Variants in GRM5 observed in about 807,000 individuals in gnomAD.
The protein encoded by GRM5 is metabotropic glutamate receptor 5.
Under a neutral mutation model 83.1 loss-of-function variants are expected in GRM5, and 19 were observed. The ratio of observed to expected loss-of-function variants is 0.23; its 90% CI spans 0.16 to 0.34. GRM5 has a LOEUF of 0.34. GRM5 is among the 10% of genes least tolerant of loss of function. GRM5 has a pLI of 1.00. For synonymous variants in GRM5, 675 were observed against 633.6 expected (o/e 1.07, Z -0.98); for missense variants, 1,160 against 1,588.3 (o/e 0.73, Z 4.58).
chr11:88,883,896 T>G (rs1368294394), intron 2 of GRM5, among the ~76,000 whole-genome samples: 1 of 152,132 alleles, frequency 6.6e-6, no homozygotes, highest in Non-Finnish European at 1.5e-5. Context: ...AACTTCCATA[T>G]ACATTTTAAA....
chr11:88,818,069 G>T (rs1318907887), intron 3 of GRM5, among the ~76,000 whole-genome samples: 1 of 151,312 alleles, frequency 6.6e-6, no homozygotes, highest in East Asian at 1.9e-4. Flanking sequence ...GTTCCTTTTT[G>T]GTATGAAAAG....
At chr11:88,826,671 T>C (rs1943899531) in intron 3 of GRM5, among the ~76,000 whole-genome samples, 1 of 152,104 alleles carries the variant, frequency 6.6e-6, no homozygotes, top group Non-Finnish European at 1.5e-5. Flanking sequence ...AAAAAGCATT[T>C]TGTAATCTTT....
intron 2 of GRM5, among the ~76,000 whole-genome samples, chr11:88,948,201 AT>A (rs1377657186): frequency 7.2e-5 from 11 of 152,324 alleles, no homozygotes; most frequent in African/African-American, 2.6e-4. Context: ...CTGTATGTTA[AT>A]TGAAAACTAC....
At chr11:88,711,749 T>C (rs1297601389) in intron 3 of GRM5, among the ~76,000 whole-genome samples, 3 of 151,940 alleles carry the variant, frequency 2.0e-5, no homozygotes, top group Admixed American at 6.6e-5. Context: ...CAAAAATGCT[T>C]CCTCTCCTGA....
chr11:88,829,741 G>A (rs1396147947), intron 3 of GRM5, among the ~76,000 whole-genome samples: 1 of 152,016 alleles, frequency 6.6e-6, no homozygotes, highest in African/African-American at 2.4e-5. Flanking sequence ...AATGAATAAA[G>A]ATACAAAACA....
chr11:88,611,888 T>A (rs952899383), intron 4 of GRM5, among the ~76,000 whole-genome samples: 2 of 118,786 alleles, frequency 1.7e-5, no homozygotes, highest in Admixed American at 1.7e-4. Flanking sequence ...CTAATACTGC[T>A]TTAGCTATGT....
intron 2 of GRM5, among the ~76,000 whole-genome samples, chr11:88,884,900 C>T (rs1945016796): frequency 6.6e-6 from 1 of 152,112 alleles, no homozygotes. Flanking sequence ...AACCTTTTTC[C>T]TTATAAATTA....
intron 3 of GRM5, among the ~76,000 whole-genome samples, chr11:88,803,658 T>C (rs1270195246): frequency 2.0e-5 from 3 of 152,064 alleles, no homozygotes; most frequent in East Asian, 1.9e-4. Flanking sequence ...CCAAAAACAA[T>C]GGCAACAGAA....
At chr11:88,821,370 G>GA (rs1191938320) in intron 3 of GRM5, among the ~76,000 whole-genome samples, 280 of 118,596 alleles carry the variant, frequency 2.4e-3, no homozygotes, top group Middle Eastern at 4.1e-3. Flanking sequence ...AAAGAAAAAA[G>GA]AAAAAAAAAA....
chr11:88,971,594 G>T (rs184779171), intron 2 of GRM5, among the ~76,000 whole-genome samples: 2 of 152,230 alleles, frequency 1.3e-5, no homozygotes, highest in East Asian at 1.9e-4. Context: ...CACCCATGTT[G>T]CTGTGAAGGG....
chr11:88,526,065 T>G (rs1341519510), intron 8 of GRM5, among the ~76,000 whole-genome samples: 1 of 152,226 alleles, frequency 6.6e-6, no homozygotes, highest in Non-Finnish European at 1.5e-5. Flanking sequence ...TGTTAGACAT[T>G]GGCAATAACA....
intron 9 of GRM5, chr11:88,511,598 G>A (rs1291515508): frequency 2.0e-5 from 3 of 152,300 alleles, no homozygotes; most frequent in South Asian, 2.1e-4. Flanking sequence ...TGGAAAGGAT[G>A]AATGAACCAT....
intron 3 of GRM5, among the ~76,000 whole-genome samples, chr11:88,668,650 G>A (rs945223277): frequency 6.6e-6 from 1 of 151,958 alleles, no homozygotes; most frequent in Non-Finnish European, 1.5e-5. Flanking sequence ...TGTTATTATT[G>A]TGGTAAAAAC....
At chr11:89,001,827 C>T (rs557981975) in intron 2 of GRM5, among the ~76,000 whole-genome samples, 12 of 152,004 alleles carry the variant, frequency 7.9e-5, no homozygotes, top group Non-Finnish European at 1.8e-4. Context: ...AAATGTCATC[C>T]GAAGACTGTC....
At chr11:88,639,673 C>T (rs536997581) in intron 4 of GRM5, among the ~76,000 whole-genome samples, 1 of 151,962 alleles carries the variant, frequency 6.6e-6, no homozygotes, top group Admixed American at 6.6e-5. Context: ...CTGCAAGCTC[C>T]ACCTCCCAGG....
chr11:88,667,024 C>G (rs575957922), intron 3 of GRM5, among the ~76,000 whole-genome samples: 1 of 152,068 alleles, frequency 6.6e-6, no homozygotes, highest in South Asian at 2.1e-4. Context: ...ATAATATATT[C>G]AAGAGAATAG....
At chr11:88,769,725 A>G (rs1942692785) in intron 3 of GRM5, among the ~76,000 whole-genome samples, 1 of 152,098 alleles carries the variant, frequency 6.6e-6, no homozygotes, top group Non-Finnish European at 1.5e-5. Flanking sequence ...TTCTAAGATT[A>G]ACATCTGCAA....
chr11:88,662,330 C>T (rs1446034452), intron 3 of GRM5, among the ~76,000 whole-genome samples: 2 of 152,106 alleles, frequency 1.3e-5, no homozygotes, highest in Non-Finnish European at 2.9e-5. Context: ...ACTTCATAAA[C>T]CTGCTAAGTA....
chr11:88,799,134 C>T (rs1054495748), intron 3 of GRM5, among the ~76,000 whole-genome samples: 2 of 151,980 alleles, frequency 1.3e-5, no homozygotes, highest in African/African-American at 4.8e-5. Flanking sequence ...AAGTATTTGG[C>T]ACTTTTAGAA....
Sources: gnomAD v4.1 joint callset for allele counts (sites outside exome capture counted in the v4.1 genomes callset) on GRCh38, gnomAD v4.1.1 for gene constraint, MANE v1.5 for transcripts, NCBI Gene and HGNC (gene_info 2026-07-23, HGNC 2026-07-21) for gene names.